Variants in PZP observed in about 807,000 individuals in gnomAD.
The protein encoded by PZP is pregnancy zone protein.
In PZP, 150 loss-of-function variants were observed where a neutral mutation model predicts 179.8. The ratio of observed to expected loss-of-function variants is 0.83; its 90% CI spans 0.73 to 0.96. The LOEUF is 0.96. PZP is among the 40% of genes least tolerant of loss of function. The probability of loss-of-function intolerance (pLI) is 0.00; values close to 1 mark genes in which losing one functional copy is unlikely to be tolerated. For synonymous variants in PZP, 624 were observed against 652.3 expected, an observed-to-expected ratio of 0.96 and a Z score of 0.66; for missense variants, 1,689 against 1,764.0, an observed-to-expected ratio of 0.96 and a Z score of 0.76.
intron 26 of PZP, 76 bp from the exon 27 acceptor site, chr12:9,157,917 G>T: frequency 8.5e-7 from 1 of 1,172,370 alleles, no homozygotes; most frequent in South Asian, 1.3e-5. Context: ...TGATGGAAAC[G>T]CTCCTCAGTA....
Position 9,158,587 on chromosome 12 carries a change from G to GA in PZP, c.3138-12dup, listed in dbSNP as rs1565627227. On this transcript the variant is annotated splice_polypyrimidine_tract_variant and intron_variant, in intron 25 of 35. Transcript: ENST00000261336. ...ACAAAAGCTGTGAGCCTAGGGGGAG[G>GA]AAAAATGCAGTGCTGAGGCTCTTTT... 2 of 1,613,244 alleles carry GA rather than the reference G, an allele frequency of 1.2e-6. No homozygotes were observed. The highest frequency in any genetic ancestry group is 1.7e-5 in the Admixed American group (1 of 59,914).
intron 31 of PZP, 88 bp from the exon 32 acceptor site, chr12:9,152,398 G>A: frequency 1.0e-6 from 1 of 965,872 alleles, no homozygotes. Flanking sequence ...AAGCCTGTCT[G>A]TCTTCAAGAA....
Position 9,166,061 on chromosome 12 carries a change from AC to A in PZP, c.2248del (p.Val750TrpfsTer3), listed in dbSNP as rs1941563424. Reference sequence around the variant, plus strand: ...AAGTAAAGTTACTTACTTCACTGCCACCAACTCCCAGATCCAAGTCTCAGGA... The same window carrying A: ...AAGTAAAGTTACTTACTTCACTGCCACAACTCCCAGATCCAAGTCTCAGGA... The part of the protein sequence containing the change: ...YFPETWIWEL[V>X]AVNSSGVAEV... On this transcript the variant is annotated frameshift_variant, in exon 18 of 36. Coordinates refer to ENST00000261336, the MANE Select transcript of PZP (RefSeq NM_002864.3). LOFTEE classifies it high-confidence loss of function. 1 of 1,606,502 alleles carries A rather than the reference AC, an allele frequency of 6.2e-7. No individual in the cohort carries two copies. Among genetic ancestry groups the A allele is most frequent in the Non-Finnish European group, 8.5e-7 (1 of 1,178,082 alleles).
intron 21 of PZP, among the ~76,000 whole-genome samples, chr12:9,163,448 G>A (rs906180136): frequency 6.8e-5 from 9 of 132,536 alleles, no homozygotes; most frequent in African/African-American, 1.7e-4. Flanking sequence ...GCAAAACTCC[G>A]TCTCAAAAAA....
chr12:9,197,217 A>G (rs1031517249), intron 7 of PZP, 94 bp from the exon 8 acceptor site: 1 of 810,554 alleles, frequency 1.2e-6, no homozygotes, highest in Non-Finnish European at 2.0e-6. Flanking sequence ...AGAGTTGCCT[A>G]CACATCTTTA....
chr12:9,191,634 G>A (rs1199096365), intron 13 of PZP, among the ~76,000 whole-genome samples: 1 of 152,010 alleles, frequency 6.6e-6, no homozygotes, highest in Non-Finnish European at 1.5e-5. Context: ...GTTTCCCTTA[G>A]TTTAGGTTAA....
rs768379620 is a variant in PZP, at chr12:9,165,268, G to A, written c.2358C>T (p.Ile786=). Residue 786 remains isoleucine (I), a synonymous_variant, in exon 19 of 36, where the codon ATC becomes ATT. Transcript: ENST00000261336. ...AGGCTCGGAGAGAGGCAGTGGAAGA[G>A]ATACCAAGTCCAGCATCTTCGGACA... ...FCLSEDAGLG[I]SSTASLRAFQ... is the part of the protein sequence containing the mutation. 1.9e-6 allele frequency: 3 copies of A among 1,614,098 alleles called. No homozygotes were observed. The highest frequency in any genetic ancestry group is 4.5e-5 in the East Asian group (2 of 44,894).
chr12:9,165,328 G>T lies in PZP; in HGVS notation c.2298C>A (p.Asp766Glu). 6.2e-7 allele frequency: 1 copy of T among 1,614,154 alleles called. No individual in the cohort carries two copies. The highest frequency in any genetic ancestry group is 8.5e-7 in the Non-Finnish European group (1 of 1,179,986). Residue 766 changes from aspartate (D) to glutamate (E), a missense_variant, in exon 19 of 36, where the codon GAC (aspartate) becomes GAA (glutamate). Transcript: ENST00000261336. ...CCCCTGCCTTCCACTCGGTGATGGT[G>T]TCAGGGACTGTTACTCCTACCTCAG... The part of the protein sequence containing the change: ...GVAEVGVTVP[D>E]TITEWKAGAF...
At chr12:9,143,735 G>A in the PZP span, among the ~76,000 whole-genome samples, 10 of 152,140 alleles carry the variant, frequency 6.6e-5, no homozygotes, top group African/African-American at 1.9e-4. Context: ...ACTGGGGCCC[G>A]GCCACGTTGC....
In PZP at chr12:9,181,151, A is replaced by T; in HGVS notation, c.1690-19T>A. 6.2e-7 allele frequency: 1 copy of T among 1,613,906 alleles called. No homozygotes were observed. The highest frequency in any genetic ancestry group is 8.5e-7 in the Non-Finnish European group (1 of 1,179,906). ...AATCCACCTGTGGGAAATGAAGGAA[A>T]CGTCAACCAGTGTTTTCCCTACTTC... On this transcript the variant is annotated intron_variant, in intron 14 of 35. Coordinates refer to ENST00000261336, the MANE Select transcript of PZP (RefSeq NM_002864.3).
At chr12:9,182,616 G>A (rs1404798038) in intron 13 of PZP, among the ~76,000 whole-genome samples, 1 of 152,142 alleles carries the variant, frequency 6.6e-6, no homozygotes, top group Non-Finnish European at 1.5e-5. Context: ...TCATTGCAGT[G>A]TTAAACTCTT....
In PZP at chr12:9,164,361, T is replaced by C. The variant is rs1031327174; in HGVS notation, c.2488-102A>G. Reference sequence around the variant, plus strand: ...GTGAGATGCTGCAGTAAATTGGGATTTGTAAGAAAAATGTATGTCACATAG... The same window carrying C: ...GTGAGATGCTGCAGTAAATTGGGATCTGTAAGAAAAATGTATGTCACATAG... On this transcript the variant is annotated intron_variant, in intron 19 of 35. Transcript: ENST00000261336. 5 of 1,312,836 alleles carry C rather than the reference T, an allele frequency of 3.8e-6. No homozygotes were observed. The African/African-American group carries it at 7.4e-5, about 19-fold the overall frequency. 81.3% of individuals were successfully genotyped at this position (1,312,836 alleles called of 1,614,324 possible).
Position 9,197,117 on chromosome 12 carries a change from A to C in PZP, c.762T>G (p.Thr254=). 1 of 1,600,962 alleles carries C rather than the reference A, an allele frequency of 6.2e-7. No individual in the cohort carries two copies. Among genetic ancestry groups the C allele is most frequent in the Non-Finnish European group, 8.6e-7 (1 of 1,168,674 alleles). ...KVNITVCGEY[T]YGKPVPGLAT... ...CAAGTCCTGGGACAGGCTTCCCATA[A>C]GTGTATCTGGTACATGAGAAATAAA... Residue 254 remains threonine, a synonymous_variant, in exon 8 of 36, where the codon ACT becomes ACG. Coordinates refer to ENST00000261336, the MANE Select transcript of PZP (RefSeq NM_002864.3).
chr12:9,153,593 G>A (rs964913196), intron 29 of PZP, among the ~76,000 whole-genome samples: 4 of 152,126 alleles, frequency 2.6e-5, no homozygotes, highest in African/African-American at 9.7e-5. Flanking sequence ...CAGTCCTTTT[G>A]GATATGTCCT....
chr12:9,180,087 C>T (rs914141852), intron 15 of PZP, among the ~76,000 whole-genome samples: 1 of 152,050 alleles, frequency 6.6e-6, no homozygotes, highest in Non-Finnish European at 1.5e-5. Flanking sequence ...GCAAGTGGTA[C>T]GTATTTTTAC....
chr12:9,169,474 C>T lies in PZP; in HGVS notation c.1957G>A (p.Val653Ile). 1 of 1,612,320 alleles carries T rather than the reference C, an allele frequency of 6.2e-7. No individual in the cohort carries two copies. The highest frequency in any genetic ancestry group is 8.5e-7 in the Non-Finnish European group (1 of 1,178,852). Reference sequence around the variant, plus strand: ...TCTGCTTCATTACTTGATAAGGGAACATAGATGGCTCCATTATGAATGAAG... The same window carrying T: ...TCTGCTTCATTACTTGATAAGGGAATATAGATGGCTCCATTATGAATGAAG... ...PFFIHNGAIYVPLSSNEADIY... is the reference protein window; with the variant it reads ...PFFIHNGAIYIPLSSNEADIY... The change falls in exon 16 of 36, where the codon GTT becomes ATT. Residue 653 changes from valine (V) to isoleucine (I), a missense_variant. Val to Ile is a conservative substitution (Grantham distance 29, BLOSUM62 3). Around this residue, in one of 3 missense-constraint regions of PZP, gnomAD observed 201 missense variants for 284.2 expected, o/e 0.71. Transcript: ENST00000261336.
In PZP at chr12:9,169,480, T is replaced by C. The variant is rs2120811937; in HGVS notation, c.1951A>G (p.Ile651Val). ...TCATTACTTGATAAGGGAACATAGA[T>C]GGCTCCATTATGAATGAAGAAAGGA... Reference protein sequence around the residue: ...PRPFFIHNGAIYVPLSSNEAD... With the variant: ...PRPFFIHNGAVYVPLSSNEAD... The change falls in exon 16 of 36, where the codon ATC (isoleucine) becomes GTC (valine). Residue 651 changes from isoleucine (I) to valine (V), a missense_variant. Transcript: ENST00000261336. 6.2e-7 allele frequency: 1 copy of C among 1,612,554 alleles called. No homozygotes were observed. The highest frequency in any genetic ancestry group is 2.2e-5 in the East Asian group (1 of 44,830).
In PZP at chr12:9,153,285, G is replaced by C. The variant is rs1198103429; in HGVS notation, c.3833C>G (p.Thr1278Ser). 1 of 1,614,068 alleles carries C rather than the reference G, an allele frequency of 6.2e-7. No homozygotes were observed. The highest frequency in any genetic ancestry group is 1.3e-5 in the African/African-American group (1 of 74,922). The change falls in exon 30 of 36, where the codon ACT becomes AGT. Residue 1278 changes from threonine to serine, a missense_variant. By Grantham distance (58) the Thr-to-Ser change is moderately conservative. Transcript: ENST00000261336. The stretch of plus-strand genomic sequence containing the variant: ...AACGGTGACCTGTGCAGTTTTCTCA[G>C]TTCTGGTGAAAGTGGCTGCTCCATA... ...SRYGAATFTRTEKTAQVTVQD... is the reference protein window; with the variant it reads ...SRYGAATFTRSEKTAQVTVQD...
intron 2 of PZP, among the ~76,000 whole-genome samples, chr12:9,203,346 T>C (rs1293344201): frequency 6.8e-6 from 1 of 147,422 alleles, no homozygotes; most frequent in Non-Finnish European, 1.5e-5. Flanking sequence ...CCTTTTTTTT[T>C]TTTTTTTTTT....
Sources: allele counts gnomAD v4.1 joint callset (sites outside exome capture counted in the v4.1 genomes callset), GRCh38; gene constraint gnomAD v4.1.1; regional missense constraint gnomAD v4.1.1; transcripts MANE v1.5; gene names NCBI Gene and HGNC (gene_info 2026-07-23, HGNC 2026-07-21).